Variants in PDK1 observed in about 807,000 individuals in gnomAD.
PDK1 encodes pyruvate dehydrogenase kinase 1, also known as [Pyruvate dehydrogenase (acetyl-transferring)] kinase isozyme 1, mitochondrial.
Under a neutral mutation model 54.2 loss-of-function variants are expected in PDK1, and 39 were observed. The ratio of observed to expected loss-of-function variants is 0.72; its 90% CI spans 0.56 to 0.94. The LOEUF (loss-of-function observed/expected upper bound fraction) is 0.94. Ranked by LOEUF, PDK1 falls within the 40% of genes least tolerant of loss-of-function variation. The pLI, the probability that PDK1 is intolerant of heterozygous loss-of-function variation, is 0.00. For missense variants in PDK1, 552 were observed against 566.0 expected (o/e 0.98, Z 0.25); for synonymous variants, 221 against 207.1 (o/e 1.07, Z -0.58).
At chr2:172,722,530 T>C in the PDK1 span, among the ~76,000 whole-genome samples, 41 of 152,218 alleles carry the variant, frequency 2.7e-4, no homozygotes, top group Non-Finnish European at 5.6e-4. Context: ...CCAAGGGTGA[T>C]AAAGATTTCA....
chr2:172,584,155 G>A (rs1690077013), intron 8 of PDK1, among the ~76,000 whole-genome samples: 1 of 152,082 alleles, frequency 6.6e-6, no homozygotes, highest in South Asian at 2.1e-4. Context: ...ATTGCTGGTA[G>A]ATGGAAATAC....
chr2:172,584,569 T>C (rs1690102190), intron 8 of PDK1, among the ~76,000 whole-genome samples: 1 of 151,884 alleles, frequency 6.6e-6, no homozygotes, highest in Non-Finnish European at 1.5e-5. Context: ...TGTTCTCATA[T>C]ATACTTTGCA....
intron 8 of PDK1, among the ~76,000 whole-genome samples, chr2:172,571,109 A>G (rs1240047050): frequency 6.6e-6 from 1 of 152,170 alleles, no homozygotes; most frequent in Non-Finnish European, 1.5e-5. Context: ...AAGATCTAAA[A>G]TATTTGGGTA....
chr2:172,562,418 A>G (rs1198153927), intron 3 of PDK1, 127 bp downstream of exon 3: 1 of 670,352 alleles, frequency 1.5e-6, no homozygotes, highest in African/African-American at 1.8e-5. Flanking sequence ...CCATACAGGC[A>G]GGACAAATAA....
In PDK1 at chr2:172,602,042, A is replaced by G. The variant is rs1313659770; in HGVS notation, c.*6073A>G. ...CAGTAATCACAAGTCCACCTCGCCA[A>G]AAGACAATTTTTGAAAGATGAATGT... is the stretch of plus-strand genomic sequence containing the variant. On this transcript the variant is annotated 3_prime_UTR_variant, in exon 11 of 11. Transcript: ENST00000282077. 6.6e-6 allele frequency: 1 copy of G among 152,206 alleles called. No homozygotes were observed. Among genetic ancestry groups the G allele is most frequent in the African/African-American group, 2.4e-5 (1 of 41,452 alleles). 9.4% of individuals were successfully genotyped at this position (152,206 alleles called of 1,614,324 possible).
the PDK1 span, among the ~76,000 whole-genome samples, chr2:172,678,222 C>T: frequency 6.6e-6 from 1 of 151,976 alleles, no homozygotes; most frequent in Admixed American, 6.6e-5. Context: ...GGAAGTCTAT[C>T]GATCCTGTAA....
downstream of PDK1, among the ~76,000 whole-genome samples, chr2:172,610,371 G>C (rs1332744406): frequency 6.6e-6 from 1 of 152,106 alleles, no homozygotes; most frequent in East Asian, 1.9e-4. Flanking sequence ...AGAGCTCTGA[G>C]CATGGGCACA....
the PDK1 span, among the ~76,000 whole-genome samples, chr2:172,704,052 G>A: frequency 2.6e-5 from 4 of 152,090 alleles, no homozygotes; most frequent in Non-Finnish European, 4.4e-5. Context: ...GGGATTACAC[G>A]TGTGAGCCAC....
chr2:172,574,288 A>G (rs750700039), intron 8 of PDK1, among the ~76,000 whole-genome samples: 3 of 152,194 alleles, frequency 2.0e-5, no homozygotes, highest in African/African-American at 7.2e-5. Context: ...TCATTGATGT[A>G]TATATCTCTC....
At chr2:172,712,140 G>C in the PDK1 span, among the ~76,000 whole-genome samples, 2 of 152,260 alleles carry the variant, frequency 1.3e-5, no homozygotes, top group African/African-American at 4.8e-5. Flanking sequence ...TGAATTGTCT[G>C]TTTTGTTAGA....
the PDK1 span, among the ~76,000 whole-genome samples, chr2:172,670,631 G>A: frequency 1.3e-5 from 2 of 151,894 alleles, no homozygotes; most frequent in South Asian, 4.1e-4. Context: ...AAAGAAATAG[G>A]CATTAAAAAA....
chr2:172,659,053 GTT>G, the PDK1 span, among the ~76,000 whole-genome samples: 1 of 152,050 alleles, frequency 6.6e-6, no homozygotes, highest in Non-Finnish European at 1.5e-5. Context: ...CCTACTCCCT[GTT>G]TGTACACCTC....
the PDK1 span, among the ~76,000 whole-genome samples, chr2:172,664,755 C>T: frequency 1.3e-5 from 2 of 148,552 alleles, no homozygotes; most frequent in South Asian, 2.1e-4. Context: ...TTATTCTCCT[C>T]ATAGTTTGCC....
chr2:172,558,651 G>A (rs890914512), intron 1 of PDK1, 57 bp from the exon 2 acceptor site: 4 of 1,456,100 alleles, frequency 2.7e-6, no homozygotes, highest in Non-Finnish European at 3.7e-6. Context: ...TCAGCCTCTT[G>A]CCTTCTGTTT....
the PDK1 span, among the ~76,000 whole-genome samples, chr2:172,617,202 C>T: frequency 6.6e-6 from 1 of 152,128 alleles, no homozygotes; most frequent in Non-Finnish European, 1.5e-5. Flanking sequence ...ATCTGCCCAC[C>T]TTGGCCTCCC....
chr2:172,645,037 C>G, the PDK1 span, among the ~76,000 whole-genome samples: 40 of 152,050 alleles, frequency 2.6e-4, no homozygotes, highest in African/African-American at 7.0e-4. Flanking sequence ...CTGGAACTAG[C>G]TCATACCATG....
the PDK1 span, among the ~76,000 whole-genome samples, chr2:172,717,983 A>G: frequency 6.6e-6 from 1 of 152,214 alleles, no homozygotes; most frequent in South Asian, 2.1e-4. Flanking sequence ...AATAGAGCTG[A>G]GAGCTACCAG....
chr2:172,648,092 G>A, the PDK1 span, among the ~76,000 whole-genome samples: 1 of 152,174 alleles, frequency 6.6e-6, no homozygotes, highest in Non-Finnish European at 1.5e-5. Flanking sequence ...AGAAGACTAA[G>A]AAGAAATGAA....
At chr2:172,676,679 A>T in the PDK1 span, among the ~76,000 whole-genome samples, 1 of 152,352 alleles carries the variant, frequency 6.6e-6, no homozygotes, top group East Asian at 1.9e-4. Context: ...TGTAGAAATG[A>T]TAAAAAAGGA....
Sources: gnomAD v4.1 joint callset for allele counts (sites outside exome capture counted in the v4.1 genomes callset) on GRCh38, gnomAD v4.1.1 for gene constraint, MANE v1.5 for transcripts, NCBI Gene and HGNC (gene_info 2026-07-23, HGNC 2026-07-21) for gene names.